PCGF5: variants seen among roughly 807,000 people sequenced by gnomAD.
PCGF5 encodes polycomb group RING finger protein 5.
In PCGF5, 9 loss-of-function variants were observed where a neutral mutation model predicts 44.3. That is an observed-to-expected ratio of 0.20 (90% CI 0.12 to 0.35). PCGF5 has a LOEUF of 0.35. Among genes scored for constraint, PCGF5 ranks in the 10% least tolerant of loss-of-function variants. The pLI, the probability that PCGF5 is intolerant of heterozygous loss-of-function variation, is 1.00. For synonymous variants in PCGF5, 95 were observed against 102.5 expected (o/e 0.93, Z 0.44); for missense variants, 146 against 305.3 (o/e 0.48, Z 3.89).
chr10:91,176,231 T>C (rs1843704434), intron 1 of PCGF5, among the ~76,000 whole-genome samples: 1 of 152,204 alleles, frequency 6.6e-6, no homozygotes, highest in Non-Finnish European at 1.5e-5. Flanking sequence ...GAATGTTGAA[T>C]ATTGGCCCCC....
chr10:91,270,647 T>G (rs571453604), intron 8 of PCGF5, among the ~76,000 whole-genome samples: 1 of 152,326 alleles, frequency 6.6e-6, no homozygotes, highest in East Asian at 1.9e-4. Flanking sequence ...TAAATTTTAT[T>G]TAAAAGGCTA....
intron 1 of PCGF5, among the ~76,000 whole-genome samples, chr10:91,198,827 A>T (rs892737185): frequency 6.6e-6 from 1 of 152,234 alleles, no homozygotes; most frequent in Admixed American, 6.5e-5. Context: ...GCCCTTCTTC[A>T]GATGGGTTAT....
chr10:91,186,948 T>C (rs1365807923), intron 1 of PCGF5, among the ~76,000 whole-genome samples: 1 of 152,218 alleles, frequency 6.6e-6, no homozygotes, highest in Non-Finnish European at 1.5e-5. Context: ...TGAAAATCGC[T>C]AGGCCAGTGA....
chr10:91,184,456 A>C (rs1306164003), intron 1 of PCGF5, among the ~76,000 whole-genome samples: 3 of 152,112 alleles, frequency 2.0e-5, no homozygotes, highest in African/African-American at 7.2e-5. Flanking sequence ...CAGCTCCTGC[A>C]ATGTTTTAGC....
At chr10:91,235,706 A>G (rs191431638) in intron 2 of PCGF5, among the ~76,000 whole-genome samples, 2 of 152,252 alleles carry the variant, frequency 1.3e-5, no homozygotes, top group East Asian at 1.9e-4. Context: ...CTGTTTTCTC[A>G]ATAGTGAATA....
upstream of PCGF5, among the ~76,000 whole-genome samples, chr10:91,159,018 A>AGAAGCAG (rs955218378): frequency 6.6e-6 from 1 of 152,230 alleles, no homozygotes; most frequent in African/African-American, 2.4e-5. Context: ...CAGGGCTAGC[A>AGAAGCAG]GAAGCAGGAA....
At chr10:91,266,515 C>CT (rs1319242161) in intron 8 of PCGF5, among the ~76,000 whole-genome samples, 1 of 152,126 alleles carries the variant, frequency 6.6e-6, no homozygotes, top group African/African-American at 2.4e-5. Flanking sequence ...AAAAGTGATT[C>CT]AGTAGCTATG....
upstream of PCGF5, among the ~76,000 whole-genome samples, chr10:91,219,171 T>G (rs561084456): frequency 1.3e-5 from 2 of 152,230 alleles, no homozygotes; most frequent in South Asian, 4.1e-4. Flanking sequence ...CACCTCCACA[T>G]TCATCCTCAG....
intron 1 of PCGF5, among the ~76,000 whole-genome samples, chr10:91,182,343 C>A (rs967225921): frequency 4.6e-5 from 7 of 152,046 alleles, no homozygotes; most frequent in Non-Finnish European, 1.0e-4. Context: ...AGTTTATAAG[C>A]ATAGAGGTGT....
intron 9 of PCGF5, among the ~76,000 whole-genome samples, chr10:91,274,095 CCTT>C: frequency 6.6e-6 from 1 of 151,140 alleles, no homozygotes; most frequent in East Asian, 1.9e-4. Context: ...CTTCTCATCT[CCTT>C]ATTAATCAAT....
At chr10:91,214,094 A>G (rs745704849) in intron 1 of PCGF5, among the ~76,000 whole-genome samples, 3 of 152,000 alleles carry the variant, frequency 2.0e-5, no homozygotes, top group Non-Finnish European at 4.4e-5. Flanking sequence ...TTGAGCCCAG[A>G]AGTTCAAGAC....
intron 2 of PCGF5, among the ~76,000 whole-genome samples, chr10:91,223,451 G>A (rs557413997): frequency 1.8e-3 from 274 of 152,224 alleles, no homozygotes; most frequent in Non-Finnish European, 3.1e-3. Flanking sequence ...TTAATGAGCC[G>A]GAGACTCTGA....
chr10:91,228,569 C>T (rs953848605), intron 2 of PCGF5, among the ~76,000 whole-genome samples: 2 of 151,996 alleles, frequency 1.3e-5, no homozygotes, highest in Admixed American at 6.6e-5. Flanking sequence ...ATATAGTTGA[C>T]GTGATAAGAG....
At chr10:91,254,099 A>C in intron 6 of PCGF5, among the ~76,000 whole-genome samples, 1 of 151,890 alleles carries the variant, frequency 6.6e-6, no homozygotes, top group East Asian at 1.9e-4. Context: ...TCTTTTAATA[A>C]GTTTATCTCC....
intron 1 of PCGF5, among the ~76,000 whole-genome samples, chr10:91,211,985 G>C (rs1016166337): frequency 1.3e-5 from 2 of 152,200 alleles, no homozygotes; most frequent in African/African-American, 4.8e-5. Context: ...GTCAGGAGCG[G>C]TGTGATACTG....
intron 1 of PCGF5, among the ~76,000 whole-genome samples, chr10:91,175,664 A>G (rs529481786): frequency 9.8e-4 from 150 of 152,372 alleles, no homozygotes; most frequent in African/African-American, 3.5e-3. Flanking sequence ...ATGAACAACA[A>G]TAAAAAAATC....
intron 1 of PCGF5, among the ~76,000 whole-genome samples, chr10:91,204,076 T>C (rs927045487): frequency 6.6e-6 from 1 of 152,166 alleles, no homozygotes; most frequent in African/African-American, 2.4e-5. Flanking sequence ...ACAGATAAGG[T>C]AGTGATAACA....
chr10:91,168,588 G>A (rs935833420), intron 1 of PCGF5, among the ~76,000 whole-genome samples: 1 of 152,174 alleles, frequency 6.6e-6, no homozygotes. Flanking sequence ...TAGGGATAGG[G>A]AGAAGGCAAT....
In PCGF5 at chr10:91,262,407, G is replaced by A. The variant is rs1274022555; in HGVS notation, c.573+983G>A. Among the ~76,000 whole-genome samples, 5 of 152,028 alleles carry A rather than the reference G, an allele frequency of 3.3e-5. 1 individual carries two copies. The highest frequency in any genetic ancestry group is 4.8e-5 in the African/African-American group (2 of 41,388). ...CACGCCACTGCACTCCAGCCTGGGC[G>A]ACAGAGTGAGACTCCATCTCAAAAA... On this transcript the variant is annotated intron_variant, in intron 7 of 9. Transcript: ENST00000336126.
Sources: allele counts gnomAD v4.1 joint callset (sites outside exome capture counted in the v4.1 genomes callset), GRCh38; gene constraint gnomAD v4.1.1; transcripts MANE v1.5; gene names NCBI Gene and HGNC (gene_info 2026-07-23, HGNC 2026-07-21).